Variants in GRSF1 observed in about 807,000 individuals in gnomAD.
GRSF1 encodes G-rich sequence factor 1.
Under a neutral mutation model 51.1 loss-of-function variants are expected in GRSF1, and 50 were observed. The ratio of observed to expected loss-of-function variants is 0.98; its 90% CI spans 0.78 to 1.24. The LOEUF (loss-of-function observed/expected upper bound fraction) is 1.24, where lower values mean the gene tolerates loss of function less well. Ranked by LOEUF, GRSF1 falls within the 50% of genes most tolerant of loss-of-function variation. The probability of loss-of-function intolerance (pLI) is 0.00; values close to 1 mark genes in which losing one functional copy is unlikely to be tolerated. For synonymous variants in GRSF1, 293 were observed against 253.3 expected (o/e 1.16, Z -1.49); for missense variants, 700 against 639.7 (o/e 1.09, Z -1.02).
rs1009090893 is a variant in GRSF1, at chr4:70,839,659, C to T, written c.169G>A (p.Ala57Thr). Residue 57 changes from alanine to threonine, a missense_variant, in exon 1 of 10, where the codon GCG (alanine) becomes ACG (threonine). By Grantham distance (58) the Ala-to-Thr change is moderately conservative. Transcript: ENST00000254799. ...RRLLLLLGAA[A>T]AAASQTRGLQ... ...CCACGCGTCTGGGAGGCAGCGGCCGCGGCGGCCCCGAGCAGCAGCAGCAGG... is the reference window on the plus strand; with the variant it reads ...CCACGCGTCTGGGAGGCAGCGGCCGTGGCGGCCCCGAGCAGCAGCAGCAGG... 6 of 1,403,322 alleles carry T rather than the reference C, an allele frequency of 4.3e-6. No homozygotes were observed. The highest frequency in any genetic ancestry group is 3.7e-6 in the Non-Finnish European group (4 of 1,092,138). The allele number at this position is 1,403,322 out of a possible 1,614,324, so 86.9% of individuals were successfully genotyped here.
chr4:70,831,233 T>C (rs1733954152), intron 5 of GRSF1, among the ~76,000 whole-genome samples: 1 of 152,028 alleles, frequency 6.6e-6, no homozygotes, highest in African/African-American at 2.4e-5. Context: ...CAGGCGCCTG[T>C]AATCCCAGCT....
upstream of GRSF1, among the ~76,000 whole-genome samples, chr4:70,842,718 C>G (rs574967315): frequency 2.6e-5 from 4 of 152,282 alleles, no homozygotes; most frequent in African/African-American, 9.6e-5. Flanking sequence ...TATATTTACT[C>G]TTGCCCTCAT....
Position 70,839,790 on chromosome 4 carries a change from C to G in GRSF1, c.38G>C (p.Arg13Pro). 1 of 1,505,324 alleles carries G rather than the reference C, an allele frequency of 6.6e-7. No homozygotes were observed. The highest frequency in any genetic ancestry group is 1.2e-5 in the South Asian group (1 of 82,288). 93.2% of individuals were successfully genotyped at this position (1,505,324 alleles called of 1,614,324 possible). A position where few individuals can be genotyped will look rare whatever the true frequency, so the allele number is the denominator to read the frequency against. ...GTRWVLGALLRGCGCNCSSCR... is the reference protein window; with the variant it reads ...GTRWVLGALLPGCGCNCSSCR... The stretch of plus-strand genomic sequence containing the variant: ...GCTGCTGCAGTTACAGCCGCAGCCC[C>G]GGAGCAGCGCCCCGAGTACCCAGCG... The change falls in exon 1 of 10, where the codon CGG (arginine) becomes CCG (proline). Residue 13 changes from arginine to proline, a missense_variant. Coordinates refer to ENST00000254799, the MANE Select transcript of GRSF1 (RefSeq NM_002092.4).
Position 70,833,244 on chromosome 4 carries a change from T to C in GRSF1, c.544A>G (p.Ile182Val), listed in dbSNP as rs1042015510. 6.2e-7 allele frequency: 1 copy of C among 1,613,740 alleles called. No individual in the cohort carries two copies. Among genetic ancestry groups the C allele is most frequent in the African/African-American group, 1.3e-5 (1 of 74,926 alleles). The stretch of plus-strand genomic sequence containing the variant: ...CCATCTCTGTTTAGGAGAAAATGTA[T>C]TCCATTCTCACCGTTGCGGATTCTG... ...DCRIRNGENG[I>V]HFLLNRDGKR... Residue 182 changes from isoleucine to valine, a missense_variant, in exon 3 of 10, where the codon ATA becomes GTA. Ile to Val is a conservative substitution (Grantham distance 29). Coordinates refer to ENST00000254799, the MANE Select transcript of GRSF1 (RefSeq NM_002092.4).
intron 2 of GRSF1, among the ~76,000 whole-genome samples, chr4:70,835,840 G>A (rs1245396990): frequency 3.3e-5 from 5 of 152,138 alleles, no homozygotes; most frequent in African/African-American, 4.8e-5. Flanking sequence ...AGTGTGGTAT[G>A]GAACTACTGG....
intron 2 of GRSF1, among the ~76,000 whole-genome samples, chr4:70,833,709 C>T (rs977587334): frequency 3.3e-5 from 5 of 152,012 alleles, no homozygotes; most frequent in Non-Finnish European, 5.9e-5. Flanking sequence ...TGTAGAGAGG[C>T]GGTCTCATTT....
chr4:70,824,525 T>C (rs1321630966), intron 8 of GRSF1, among the ~76,000 whole-genome samples, 157 bp from the exon 9 acceptor site: 3 of 152,184 alleles, frequency 2.0e-5, no homozygotes, highest in East Asian at 3.9e-4. Context: ...CTCACGCCTA[T>C]TGTAATCCCA....
At chr4:70,831,422 C>T in intron 5 of GRSF1, 117 bp downstream of exon 5, 1 of 862,726 alleles carries the variant, frequency 1.2e-6, no homozygotes, top group Non-Finnish European at 1.7e-6. Flanking sequence ...TGATGGCTCA[C>T]TACACTACTC....
intron 2 of GRSF1, among the ~76,000 whole-genome samples, chr4:70,834,980 G>C (rs748812056): frequency 9.2e-5 from 14 of 151,972 alleles, no homozygotes; most frequent in Non-Finnish European, 1.8e-4. Flanking sequence ...GTGTCTTCTT[G>C]TTCCCCTCTT....
rs574612962 is a variant in GRSF1, at chr4:70,838,065, A to G, written c.357+1406T>C. Among the ~76,000 whole-genome samples the G allele has an allele frequency of 3.6e-4, 55 of 151,880 alleles. 1 individual carries two copies. The East Asian group carries it at 6.7e-3, about 18-fold the overall frequency. On this transcript the variant is annotated intron_variant, in intron 1 of 9. Coordinates refer to ENST00000254799, the MANE Select transcript of GRSF1 (RefSeq NM_002092.4). ...AAACCCCGTCTCTACTAAAAATACA[A>G]AAAATTAGCTGGGCGCAGTGGCGGG...
chr4:70,825,950 G>GC, intron 7 of GRSF1, 174 bp downstream of exon 7: 3 of 586,692 alleles, frequency 5.1e-6, no homozygotes, highest in Non-Finnish European at 8.9e-6. Context: ...GTAATACCAA[G>GC]CCACACTTTT....
intron 5 of GRSF1, 49 bp from the exon 6 acceptor site, chr4:70,828,085 A>C (rs754604296): frequency 5.7e-5 from 74 of 1,289,450 alleles, no homozygotes; most frequent in Non-Finnish European, 7.3e-5. Context: ...AAGTAACTTT[A>C]TACTGAACTC....
rs78873513 is a variant in GRSF1 at position 70,836,123 on chromosome 4, A to G, written c.514+35T>C. 3.3e-4 allele frequency: 424 copies of G among 1,277,542 alleles called. No individual in the cohort carries two copies. The African/African-American group carries it at 6.3e-3, about 19-fold the overall frequency. 79.1% of individuals were successfully genotyped at this position (1,277,542 alleles called of 1,614,324 possible). A position where few individuals can be genotyped will look rare whatever the true frequency, so the allele number is the denominator to read the frequency against. On this transcript the variant is annotated intron_variant, in intron 2 of 9. Transcript: ENST00000254799. ...TGCTTGTGAGAAACAATATAAGGAA[A>G]AAAAATAAATAAATAAAACATACAT...
chr4:70,832,255 T>C (rs1734009347), intron 4 of GRSF1, 52 bp downstream of exon 4: 1 of 1,525,696 alleles, frequency 6.6e-7, no homozygotes, highest in Non-Finnish European at 9.0e-7. Context: ...TAGAAGGAGA[T>C]ACCAAGGGAA....
rs1734357488 is a variant in GRSF1, at chr4:70,839,258, GAAC to G, written c.357+210_357+212del. On this transcript the variant is annotated intron_variant, in intron 1 of 9. Transcript: ENST00000254799. ...CCAACCGACCAGAGACTCGAGGCGA[GAAC>G]AAAACAAGCAGAAGACCCGACGCCT... is the stretch of plus-strand genomic sequence containing the variant. The G allele has an allele frequency of 2.0e-6, 3 of 1,483,692 alleles. No homozygotes were observed. The African/African-American group carries it at 4.2e-5, about 21-fold the overall frequency. 91.9% of individuals were successfully genotyped at this position (1,483,692 alleles called of 1,614,324 possible).
intron 1 of GRSF1, among the ~76,000 whole-genome samples, chr4:70,838,142 C>A (rs1734293812): frequency 6.9e-6 from 1 of 145,160 alleles, no homozygotes; most frequent in Non-Finnish European, 1.5e-5. Context: ...TGGCGTGAAC[C>A]CGGAAGGCGG....
intron 8 of GRSF1, among the ~76,000 whole-genome samples, chr4:70,824,707 C>T (rs1733664723): frequency 6.6e-6 from 1 of 152,148 alleles, no homozygotes; most frequent in South Asian, 2.1e-4. Flanking sequence ...CACTTGAACC[C>T]AGGAGGCGGA....
upstream of GRSF1, chr4:70,840,023 C>G (rs575848824): frequency 3.3e-5 from 17 of 515,122 alleles, no homozygotes; most frequent in Non-Finnish European, 5.0e-5. Flanking sequence ...TTGGGCGGGG[C>G]TGCCCATGGT....
Position 70,826,282 on chromosome 4 carries a change from C to A in GRSF1, c.1136-37G>T, listed in dbSNP as rs999957891. 3 of 1,559,802 alleles carry A rather than the reference C, an allele frequency of 1.9e-6. No homozygotes were observed. The African/African-American group carries it at 4.2e-5, about 22-fold the overall frequency. On this transcript the variant is annotated intron_variant, in intron 6 of 9. Transcript: ENST00000254799. ...AACAGAAAGCACTGTTAAAACATAA[C>A]AGCTTCAAGGGTTATTAACAGATTC...
Sources: allele counts gnomAD v4.1 joint callset (sites outside exome capture counted in the v4.1 genomes callset), GRCh38; gene constraint gnomAD v4.1.1; transcripts MANE v1.5; gene names NCBI Gene and HGNC (gene_info 2026-07-23, HGNC 2026-07-21).